Variants in AJAP1 observed in about 807,000 individuals in gnomAD.
AJAP1 encodes adherens junction-associated protein 1.
A neutral mutation model predicts 35.0 loss-of-function variants in AJAP1; 5 were observed. That is an observed-to-expected ratio of 0.14 (90% CI 0.07 to 0.30). The LOEUF is 0.30. Among genes scored for constraint, AJAP1 ranks in the 10% least tolerant of loss-of-function variants. The probability of loss-of-function intolerance (pLI) is 1.00; values close to 1 mark genes in which losing one functional copy is unlikely to be tolerated. For missense variants in AJAP1, 586 were observed against 571.0 expected (o/e 1.03, Z -0.27); for synonymous variants, 284 against 249.3 (o/e 1.14, Z -1.31).
At chr1:4,675,150 A>T (rs1489364806) in intron 1 of AJAP1, among the ~76,000 whole-genome samples, 1 of 152,190 alleles carries the variant, frequency 6.6e-6, no homozygotes, top group Non-Finnish European at 1.5e-5. Context: ...GTGAGGATAG[A>T]GGGAGTAGTC....
At chr1:4,747,509 C>T (rs572137527) in intron 2 of AJAP1, among the ~76,000 whole-genome samples, 11 of 152,308 alleles carry the variant, frequency 7.2e-5, no homozygotes, top group Admixed American at 2.0e-4. Context: ...CTGGCTGTGC[C>T]GCCCCCTTCC....
chr1:4,710,117 GACAC>G (rs1314110450), intron 1 of AJAP1, among the ~76,000 whole-genome samples: 10 of 151,578 alleles, frequency 6.6e-5, no homozygotes, highest in African/African-American at 2.4e-4. Flanking sequence ...CTCACACAGG[GACAC>G]ACAGATACAG....
intron 1 of AJAP1, among the ~76,000 whole-genome samples, chr1:4,688,243 C>T (rs951418278): frequency 3.9e-5 from 6 of 152,052 alleles, no homozygotes; most frequent in Non-Finnish European, 5.9e-5. Flanking sequence ...CATTGGCATG[C>T]GGGGGGAGTG....
intron 2 of AJAP1, among the ~76,000 whole-genome samples, chr1:4,724,686 C>G (rs1030145665): frequency 5.2e-5 from 6 of 115,090 alleles, no homozygotes; most frequent in African/African-American, 3.3e-4. Context: ...ACCTGCTGTG[C>G]CCCTGGCTCC....
At chr1:4,780,166 T>A (rs1301409043) in intron 5 of AJAP1, among the ~76,000 whole-genome samples, 1 of 147,592 alleles carries the variant, frequency 6.8e-6, no homozygotes, top group Non-Finnish European at 1.5e-5. Context: ...AATTACCATG[T>A]AACCATTTAT....
intron 1 of AJAP1, among the ~76,000 whole-genome samples, chr1:4,704,161 T>TG (rs1272424313): frequency 6.6e-6 from 1 of 151,800 alleles, no homozygotes; most frequent in East Asian, 1.9e-4. Flanking sequence ...GGGGAAGTTT[T>TG]TTTTTTTTTT....
chr1:4,663,739 C>G (rs558637295), intron 1 of AJAP1, among the ~76,000 whole-genome samples: 4 of 144,050 alleles, frequency 2.8e-5, no homozygotes, highest in Non-Finnish European at 6.1e-5. Context: ...TCAACTCTTG[C>G]AACCGGTGTG....
At chr1:4,774,214 C>G (rs1641897515) in intron 4 of AJAP1, among the ~76,000 whole-genome samples, 1 of 152,216 alleles carries the variant, frequency 6.6e-6, no homozygotes, top group African/African-American at 2.4e-5. Flanking sequence ...CTGTGTCTTC[C>G]AAAGCCTCCC....
At chr1:4,695,224 G>C (rs1371098941) in intron 1 of AJAP1, among the ~76,000 whole-genome samples, 1 of 152,172 alleles carries the variant, frequency 6.6e-6, no homozygotes, top group East Asian at 1.9e-4. Context: ...CTATGAGCAA[G>C]TATTTTGGGA....
At chr1:4,731,521 A>G (rs1469006214) in intron 2 of AJAP1, among the ~76,000 whole-genome samples, 1 of 152,158 alleles carries the variant, frequency 6.6e-6, no homozygotes. Context: ...AGGTGTGAAC[A>G]TTTTGCGTGA....
chr1:4,790,947 T>TTTTTGTTTTTG lies in AJAP1; in HGVS notation c.*8471_*8472insTGTTTTGTTTT, dbSNP rs1642238898. The TTTTTGTTTTTG allele has an allele frequency of 6.6e-6, 1 of 150,420 alleles. No homozygotes were observed. Among genetic ancestry groups the TTTTTGTTTTTG allele is most frequent in the Admixed American group, 6.6e-5 (1 of 15,096 alleles). 9.3% of individuals were successfully genotyped at this position (150,420 alleles called of 1,614,324 possible). On this transcript the variant is annotated 3_prime_UTR_variant, in exon 6 of 6. Transcript: ENST00000378191. ...GTTTTTGTTTTTGTTTTTGTTTTTG[T>TTTTTGTTTTTG]TTTTGTTTTGTTTAATTTCCTCTTC... is the stretch of plus-strand genomic sequence containing the variant.
Position 4,787,288 on chromosome 1 carries a change from G to A in AJAP1, c.*4803G>A, listed in dbSNP as rs1420038441. On this transcript the variant is annotated 3_prime_UTR_variant, in exon 6 of 6. Coordinates refer to ENST00000378191, the MANE Select transcript of AJAP1 (RefSeq NM_018836.4). ...TAATTTCCAGAGAGAGAAGAGGCAG[G>A]AAGAGAGCAGAGCAGAGTGATGGGG... The A allele has an allele frequency of 6.0e-6, 1 of 167,110 alleles. No individual in the cohort carries two copies. Among genetic ancestry groups the A allele is most frequent in the Non-Finnish European group, 1.3e-5 (1 of 77,652 alleles). 10.4% of individuals were successfully genotyped at this position (167,110 alleles called of 1,614,324 possible). A position where few individuals can be genotyped will look rare whatever the true frequency, so the allele number is the denominator to read the frequency against.
At chr1:4,686,992 A>T (rs916511318) in intron 1 of AJAP1, among the ~76,000 whole-genome samples, 2 of 152,238 alleles carry the variant, frequency 1.3e-5, no homozygotes, top group Non-Finnish European at 2.9e-5. Flanking sequence ...CAAGTTGACC[A>T]GGGCTGCCTC....
chr1:4,741,849 C>T (rs1198952758), intron 2 of AJAP1, among the ~76,000 whole-genome samples: 1 of 152,154 alleles, frequency 6.6e-6, no homozygotes, highest in African/African-American at 2.4e-5. Context: ...AAAGTACTCA[C>T]GGAATGATGG....
At chr1:4,755,608 A>G (rs1641412506) in intron 2 of AJAP1, among the ~76,000 whole-genome samples, 1 of 152,106 alleles carries the variant, frequency 6.6e-6, no homozygotes, top group South Asian at 2.1e-4. Flanking sequence ...ACTGGAAGGC[A>G]TGTCTTGGAT....
chr1:4,662,541 C>T (rs756080357), intron 1 of AJAP1, among the ~76,000 whole-genome samples: 12 of 152,130 alleles, frequency 7.9e-5, no homozygotes, highest in African/African-American at 1.4e-4. Context: ...CCATGAACTT[C>T]GCGTGCACGC....
chr1:4,740,230 A>T (rs892680996), intron 2 of AJAP1, among the ~76,000 whole-genome samples: 1 of 151,596 alleles, frequency 6.6e-6, no homozygotes, highest in African/African-American at 2.4e-5. Flanking sequence ...CTGAACCTTG[A>T]GGACATTCTG....
chr1:4,740,312 C>A (rs1641026035), intron 2 of AJAP1, among the ~76,000 whole-genome samples: 2 of 15,814 alleles, frequency 1.3e-4, no homozygotes, highest in Non-Finnish European at 2.5e-4. Flanking sequence ...CCTGGAGTCA[C>A]CAAATGCATA....
Position 4,788,905 on chromosome 1 carries a change from A to G in AJAP1, c.*6420A>G, listed in dbSNP as rs1642211343. The G allele has an allele frequency of 6.6e-6, 1 of 152,216 alleles. No homozygotes were observed. The highest frequency in any genetic ancestry group is 6.5e-5 in the Admixed American group (1 of 15,282). The allele number at this position is 152,216 out of a possible 1,614,324, so 9.4% of individuals were successfully genotyped here. ...AACGCACAGCCCATGCCCCATTGTAAAGGTGACTGAAGAGAATGGTCAACT... is the reference window on the plus strand; with the variant it reads ...AACGCACAGCCCATGCCCCATTGTAGAGGTGACTGAAGAGAATGGTCAACT... On this transcript the variant is annotated 3_prime_UTR_variant, in exon 6 of 6. Transcript: ENST00000378191.
Sources: gnomAD v4.1 joint callset for allele counts (sites outside exome capture counted in the v4.1 genomes callset) on GRCh38, gnomAD v4.1.1 for gene constraint, MANE v1.5 for transcripts, NCBI Gene and HGNC (gene_info 2026-07-23, HGNC 2026-07-21) for gene names.